SPON2: variants seen among roughly 807,000 people sequenced by gnomAD.
SPON2 encodes spondin 2.
SPON2 carries 32 observed loss-of-function variants against 29.9 expected under a neutral mutation model. That is an observed-to-expected ratio of 1.07 (90% CI 0.81 to 1.44). The LOEUF (loss-of-function observed/expected upper bound fraction) is 1.44. Among genes scored for constraint, SPON2 ranks in the 40% most tolerant of loss-of-function variants. The probability of loss-of-function intolerance (pLI) is 0.00; values close to 1 mark genes in which losing one functional copy is unlikely to be tolerated. For synonymous variants in SPON2, 248 were observed against 209.1 expected, an observed-to-expected ratio of 1.19 and a Z score of -1.61; for missense variants, 541 against 455.5, an observed-to-expected ratio of 1.19 and a Z score of -1.71.
upstream of SPON2, among the ~76,000 whole-genome samples, chr4:1,175,426 T>C (rs1337533776): frequency 1.3e-5 from 2 of 152,174 alleles, no homozygotes; most frequent in Non-Finnish European, 2.9e-5. Context: ...CCTCATGCCG[T>C]CTCAGTGAGC....
chr4:1,177,521 G>A (rs1189604159), upstream of SPON2, among the ~76,000 whole-genome samples: 5 of 152,054 alleles, frequency 3.3e-5, no homozygotes, highest in Admixed American at 1.3e-4. Context: ...TGTGAGCCGC[G>A]TGGAGCAGAC....
intron 1 of SPON2, chr4:1,201,030 G>A (rs1327088576): frequency 2.2e-5 from 10 of 455,382 alleles, no homozygotes; most frequent in Non-Finnish European, 3.5e-5. Flanking sequence ...ACCTGGTCTG[G>A]GCTGAGGCTT....
At chr4:1,176,281 G>GTAAC (rs1727591465), upstream of SPON2, among the ~76,000 whole-genome samples, 1 of 152,126 alleles carries the variant, frequency 6.6e-6, no homozygotes, top group African/African-American at 2.4e-5. Flanking sequence ...ATCCATAGGT[G>GTAAC]TAACTCACAC....
At chr4:1,198,139 A>G (rs1728110584), upstream of SPON2, among the ~76,000 whole-genome samples, 1 of 152,182 alleles carries the variant, frequency 6.6e-6, no homozygotes, top group African/African-American at 2.4e-5. Flanking sequence ...GATTAGGAAG[A>G]AAGAGACCCC....
chr4:1,206,872 G>T (rs1363142243), intron 1 of SPON2, among the ~76,000 whole-genome samples: 1 of 151,970 alleles, frequency 6.6e-6, no homozygotes, highest in Admixed American at 6.6e-5. Context: ...GTGAGCAGGT[G>T]TGAGCAGGTG....
In SPON2 at chr4:1,167,056, G is replaced by A. The variant is rs1344586507; in HGVS notation, c.*416C>T. 2 of 167,728 alleles carry A rather than the reference G, an allele frequency of 1.2e-5. No individual in the cohort carries two copies. Among genetic ancestry groups the A allele is most frequent in the Non-Finnish European group, 2.5e-5 (2 of 79,056 alleles). The allele number at this position is 167,728 out of a possible 1,614,324, so 10.4% of individuals were successfully genotyped here. ...TGGCCCCCGCTTGGATGCGCCCTCG[G>A]GAGAGTGGGCTCAGCACAGCCTAGA... On this transcript the variant is annotated 3_prime_UTR_variant, in exon 6 of 6. Coordinates refer to ENST00000290902, the MANE Select transcript of SPON2 (RefSeq NM_012445.4).
chr4:1,175,284 C>T (rs1032591287), upstream of SPON2, among the ~76,000 whole-genome samples: 4 of 152,358 alleles, frequency 2.6e-5, no homozygotes, highest in East Asian at 3.9e-4. Context: ...TCCAGAGACT[C>T]GCTGAGGCAC....
At chr4:1,177,961 G>C (rs1166545112), upstream of SPON2, among the ~76,000 whole-genome samples, 1 of 144,810 alleles carries the variant, frequency 6.9e-6, no homozygotes, top group African/African-American at 2.5e-5. Flanking sequence ...GAAAAGTCCT[G>C]TGTTTGCCAG....
chr4:1,167,567 T>G lies in SPON2; in HGVS notation c.901A>C (p.Arg301=). 1.9e-6 allele frequency: 3 copies of G among 1,613,470 alleles called. No homozygotes were observed. The highest frequency in any genetic ancestry group is 1.7e-6 in the Non-Finnish European group (2 of 1,180,002). ...GHCGRLGTKS[R]TRYVRVQPAN... is the part of the protein sequence containing the mutation. ...GGCTGGACCCGGACGTAGCGAGTCC[T>G]GCTCTTGGTCCCGAGCCTCCCACAG... Residue 301 remains arginine (R), a synonymous_variant, in exon 6 of 6, where the codon AGG becomes CGG. Transcript: ENST00000290902.
Position 1,171,969 on chromosome 4 carries a change from A to T in SPON2, c.103T>A (p.Cys35Ser). The T allele has an allele frequency of 1.2e-6, 2 of 1,612,934 alleles. No homozygotes were observed. The highest frequency in any genetic ancestry group is 1.7e-6 in the Non-Finnish European group (2 of 1,179,906). The change falls in exon 2 of 6, where the codon TGT becomes AGT. Residue 35 changes from cysteine (C) to serine (S), a missense_variant. Physicochemically the swap from Cys to Ser is moderately radical, Grantham distance 112. Transcript: ENST00000290902. ...TATTTGGCCAGGGCTCTGGCGGAAC[A>T]GATGGACTCTCCCCCAAGAGGCTGG... is the stretch of plus-strand genomic sequence containing the variant. ...AGQPLGGESI[C>S]SARALAKYSI...
chr4:1,169,234 G>GAGGGGC (rs1419626897), intron 5 of SPON2, among the ~76,000 whole-genome samples: 1 of 152,110 alleles, frequency 6.6e-6, no homozygotes, highest in Non-Finnish European at 1.5e-5. Context: ...CTCTGCCCAC[G>GAGGGGC]AGGGGCTCTT....
At chr4:1,168,025 C>A in intron 5 of SPON2, 1 of 224,140 alleles carries the variant, frequency 4.5e-6, no homozygotes, top group Non-Finnish European at 8.7e-6. Context: ...CTGGACCCAG[C>A]TGCTACATTT....
chr4:1,170,943 C>A, intron 4 of SPON2, 56 bp downstream of exon 4: 1 of 1,542,680 alleles, frequency 6.5e-7, no homozygotes, highest in Non-Finnish European at 8.8e-7. Flanking sequence ...AGGCCCCAGC[C>A]CCGTCCCCAC....
At position 1,202,432 on chromosome 4, in the gene SPON2, G is replaced by A. The variant is rs1348243966; in HGVS notation, c.-234+5448C>T. ...CTGCACGCCAGGCCCAGTACTCACCGCTCTCACATACAAAATCATATGAGT... is the reference window on the plus strand; with the variant it reads ...CTGCACGCCAGGCCCAGTACTCACCACTCTCACATACAAAATCATATGAGT... On this transcript the variant is annotated intron_variant, in intron 1 of 3. Transcript: ENST00000509233. The surrounding 1 kb of genome is among the most constrained non-coding windows in gnomAD (Gnocchi z 5.4). Among the ~76,000 whole-genome samples the A allele has an allele frequency of 3.3e-5, 5 of 152,196 alleles. No homozygotes were observed. In the East Asian group the frequency reaches 5.8e-4, roughly 18 times the overall value.
At chr4:1,175,424 C>T (rs912330375), upstream of SPON2, among the ~76,000 whole-genome samples, 35 of 152,212 alleles carry the variant, frequency 2.3e-4, no homozygotes, top group South Asian at 1.4e-3. Context: ...GCCCTCATGC[C>T]GTCTCAGTGA....
chr4:1,196,505 C>T (rs1422194744), upstream of SPON2, among the ~76,000 whole-genome samples: 1 of 152,196 alleles, frequency 6.6e-6, no homozygotes, highest in Admixed American at 6.5e-5. Context: ...GAGGCCACTG[C>T]GGTGACCAGG....
At position 1,167,424 on chromosome 4, in the gene SPON2, C is replaced by G; in HGVS notation, c.*48G>C. 3 of 1,569,428 alleles carry G rather than the reference C, an allele frequency of 1.9e-6. No homozygotes were observed. In the South Asian group the frequency reaches 3.5e-5, roughly 18 times the overall value. On this transcript the variant is annotated 3_prime_UTR_variant, in exon 6 of 6. Coordinates refer to ENST00000290902, the MANE Select transcript of SPON2 (RefSeq NM_012445.4). ...CAGCATGAGCCTGCACAGGAGCCCC[C>G]GACACCCCATGGCTCCGGGGGGCCC...
At position 1,206,689 on chromosome 4, in the gene SPON2, G is replaced by A. The variant is rs150689993; in HGVS notation, c.-234+1191C>T. ...GGCGGAGAGGGGAGGCAGGGCCTGA[G>A]GCTCATGGTAGGGAAGCGGCCTTGC... On this transcript the variant is annotated intron_variant, in intron 1 of 3. Transcript: ENST00000509233. Among the ~76,000 whole-genome samples the A allele has an allele frequency of 4.1e-4, 62 of 152,296 alleles. 1 individual carries two copies. The East Asian group carries it at 0.01, about 26-fold the overall frequency.
At chr4:1,194,920 GC>G (rs1560210538) in intron 1 of SPON2, 27 of 130,886 alleles carry the variant, frequency 2.1e-4, no homozygotes, top group South Asian at 4.8e-4. Context: ...GCAGCCGGCG[GC>G]TCCAACCCCG....
Sources: allele counts gnomAD v4.1 joint callset (sites outside exome capture counted in the v4.1 genomes callset), GRCh38; gene constraint gnomAD v4.1.1; non-coding constraint Gnocchi (gnomAD v3.1); transcripts MANE v1.5; gene names NCBI Gene and HGNC (gene_info 2026-07-23, HGNC 2026-07-21).